The following SNTB2 variants were observed in gnomAD, a reference collection of about 807,000 sequenced individuals.
SNTB2 encodes the protein beta-2-syntrophin.
A neutral mutation model predicts 46.2 loss-of-function variants in SNTB2; 34 were observed. The observed-to-expected ratio is 0.74, with a 90% CI of 0.56 to 0.98. SNTB2 has a LOEUF of 0.98. SNTB2 is among the 50% of genes least tolerant of loss of function. The pLI, the probability that SNTB2 is intolerant of heterozygous loss-of-function variation, is 0.00. For missense variants in SNTB2, 603 were observed against 731.4 expected, an observed-to-expected ratio of 0.82 and a Z score of 2.02; for synonymous variants, 290 against 312.6, an observed-to-expected ratio of 0.93 and a Z score of 0.76.
chr16:69,203,391 C>G (rs1213462189), intron 1 of SNTB2, among the ~76,000 whole-genome samples: 1 of 151,946 alleles, frequency 6.6e-6, no homozygotes, highest in Non-Finnish European at 1.5e-5. Context: ...CTGGAGTGCA[C>G]TGGCATGATT....
intron 1 of SNTB2, among the ~76,000 whole-genome samples, chr16:69,220,216 C>T (rs1322263896): frequency 1.6e-5 from 2 of 126,648 alleles, no homozygotes; most frequent in African/African-American, 6.3e-5. Context: ...GGCTGGAGTG[C>T]AGTGGCATGA....
chr16:69,294,698 A>G (rs973928295), intron 5 of SNTB2, among the ~76,000 whole-genome samples: 1 of 152,026 alleles, frequency 6.6e-6, no homozygotes, highest in African/African-American at 2.4e-5. Flanking sequence ...ATGCCACCAC[A>G]CTCCAGCCTG....
At chr16:69,299,874 T>C in intron 6 of SNTB2, 100 bp downstream of exon 6, 2 of 1,265,096 alleles carry the variant, frequency 1.6e-6, no homozygotes, top group Non-Finnish European at 2.2e-6. Context: ...TGACATTCCA[T>C]TTAGAACCAT....
chr16:69,283,150 AGG>A (rs1159645843), intron 4 of SNTB2, among the ~76,000 whole-genome samples: 1 of 152,094 alleles, frequency 6.6e-6, no homozygotes, highest in African/African-American at 2.4e-5. Flanking sequence ...TTGTAAAGAC[AGG>A]GTGTCTCTGT....
At chr16:69,222,915 G>A (rs1028966430) in intron 1 of SNTB2, among the ~76,000 whole-genome samples, 2 of 151,594 alleles carry the variant, frequency 1.3e-5, no homozygotes, top group Non-Finnish European at 2.9e-5. Flanking sequence ...CCGAGTAGCT[G>A]GGATTACTGG....
At chr16:69,253,431 C>T (rs985614173) in intron 2 of SNTB2, among the ~76,000 whole-genome samples, 5 of 151,576 alleles carry the variant, frequency 3.3e-5, no homozygotes, top group Non-Finnish European at 4.4e-5. Context: ...GGGTGGATCA[C>T]GAGGTCAGGA....
chr16:69,245,710 A>G lies in SNTB2; in HGVS notation c.689A>G (p.Asp230Gly), dbSNP rs1964664153. The G allele has an allele frequency of 6.2e-7, 1 of 1,613,982 alleles. No individual in the cohort carries two copies. The highest frequency in any genetic ancestry group is 1.3e-5 in the African/African-American group (1 of 74,892). The change falls in exon 2 of 7, where the codon GAC becomes GGC. Residue 230 changes from aspartate (D) to glycine (G), a missense_variant. Physicochemically the swap from Asp to Gly is moderately conservative, Grantham distance 94. Transcript: ENST00000336278. Reference protein sequence around the residue: ...PQSPSFSGSEDSGSPKHQNST... With the variant: ...PQSPSFSGSEGSGSPKHQNST... ...TCACCAAGCTTTAGTGGCAGTGAGG[A>G]CTCTGGTTCGCCAAAACACCAGAAC... is the stretch of plus-strand genomic sequence containing the variant.
chr16:69,202,356 TACTATTCATACTAAATGTA>T lies in SNTB2; in HGVS notation c.580+14611_580+14629del, dbSNP rs569249826. ...TTATAATGGAAAATAGTATGGTAGT[TACTATTCATACTAAATGTA>T]GGCTGTGAACTTTATGAACTGTTAG... On this transcript the variant is annotated intron_variant, in intron 1 of 6. Transcript: ENST00000336278. Among the ~76,000 whole-genome samples the T allele has an allele frequency of 7.2e-4, 108 of 150,956 alleles. 1 individual carries two copies. The South Asian group carries it at 0.022, about 30-fold the overall frequency.
chr16:69,200,854 A>G (rs747374834), intron 1 of SNTB2, among the ~76,000 whole-genome samples: 2 of 151,928 alleles, frequency 1.3e-5, no homozygotes, highest in African/African-American at 4.8e-5. Flanking sequence ...TATTGACTCT[A>G]TTTTTGTTTG....
intron 2 of SNTB2, among the ~76,000 whole-genome samples, chr16:69,250,644 C>G (rs1964716577): frequency 6.6e-6 from 1 of 152,074 alleles, no homozygotes; most frequent in African/African-American, 2.4e-5. Context: ...TGCCTGTAAT[C>G]CTAGCACTTT....
intron 3 of SNTB2, among the ~76,000 whole-genome samples, chr16:69,269,488 G>C (rs1327787415): frequency 2.6e-5 from 4 of 151,994 alleles, no homozygotes; most frequent in African/African-American, 4.8e-5. Flanking sequence ...CTGCACTCCA[G>C]CTTGGCGACA....
At chr16:69,295,551 A>C (rs966058924) in intron 5 of SNTB2, among the ~76,000 whole-genome samples, 2 of 151,914 alleles carry the variant, frequency 1.3e-5, no homozygotes, top group Non-Finnish European at 2.9e-5. Flanking sequence ...CCCAGCCAAC[A>C]TACTGAATTT....
At chr16:69,294,427 A>C (rs543825624) in intron 5 of SNTB2, among the ~76,000 whole-genome samples, 1 of 152,138 alleles carries the variant, frequency 6.6e-6, no homozygotes, top group Non-Finnish European at 1.5e-5. Flanking sequence ...TCTTATCACT[A>C]TAAAGGATTT....
At chr16:69,285,561 C>T (rs1015031202) in intron 5 of SNTB2, among the ~76,000 whole-genome samples, 1 of 150,918 alleles carries the variant, frequency 6.6e-6, no homozygotes, top group African/African-American at 2.4e-5. Flanking sequence ...CTCACTGCAG[C>T]CTTGAACTCT....
At chr16:69,291,142 C>T (rs1000353846) in intron 5 of SNTB2, among the ~76,000 whole-genome samples, 1 of 152,146 alleles carries the variant, frequency 6.6e-6, no homozygotes, top group Admixed American at 6.5e-5. Flanking sequence ...CTGGCTTTTC[C>T]TATGTGCAGT....
chr16:69,221,134 T>TA (rs1045768685), intron 1 of SNTB2, among the ~76,000 whole-genome samples: 23 of 151,986 alleles, frequency 1.5e-4, no homozygotes, highest in Non-Finnish European at 2.1e-4. Flanking sequence ...TTTCATGTTT[T>TA]AAAAAAAATG....
At chr16:69,199,594 T>TGAAAAAAAAAAAAAAAAAAAA (rs1964139732) in intron 1 of SNTB2, among the ~76,000 whole-genome samples, 1 of 70,268 alleles carries the variant, frequency 1.4e-5, no homozygotes, top group African/African-American at 7.7e-5. Context: ...AAACACTGCC[T>TGAAAAAAAAAAAAAAAAAAAA]CAAAAAAAAA....
chr16:69,266,233 G>A (rs1190056403), intron 3 of SNTB2, among the ~76,000 whole-genome samples: 6 of 152,206 alleles, frequency 3.9e-5, no homozygotes, highest in Non-Finnish European at 7.4e-5. Flanking sequence ...GCATGGTGGC[G>A]GACGCCTGTA....
intron 2 of SNTB2, among the ~76,000 whole-genome samples, chr16:69,257,516 G>A (rs1050436064): frequency 6.6e-5 from 10 of 151,546 alleles, no homozygotes; most frequent in African/African-American, 1.7e-4. Context: ...GCATGATCTC[G>A]GCTCACTGCA....
Sources: allele counts gnomAD v4.1 joint callset (sites outside exome capture counted in the v4.1 genomes callset), GRCh38; gene constraint gnomAD v4.1.1; transcripts MANE v1.5; gene names NCBI Gene and HGNC (gene_info 2026-07-23, HGNC 2026-07-21).